ZMYND11: variants seen among roughly 807,000 people sequenced by gnomAD.
ZMYND11 encodes the protein zinc finger MYND domain-containing protein 11.
In ZMYND11, 9 loss-of-function variants were observed where a neutral mutation model predicts 84.9. That is an observed-to-expected ratio of 0.11 (90% CI 0.06 to 0.18). ZMYND11 has a LOEUF of 0.18. Ranked by LOEUF, ZMYND11 falls within the 10% of genes least tolerant of loss-of-function variation. The probability of loss-of-function intolerance (pLI) is 1.00; values close to 1 mark genes in which losing one functional copy is unlikely to be tolerated. For missense variants in ZMYND11, 409 were observed against 761.0 expected (o/e 0.54, Z 5.44); for synonymous variants, 250 against 244.1 (o/e 1.02, Z -0.23).
rs376943614 is a variant in ZMYND11 at position 239,458 on chromosome 10, C to T, written c.630C>T (p.Tyr210=). The T allele has an allele frequency of 1.2e-6, 2 of 1,613,328 alleles. No homozygotes were observed. Among genetic ancestry groups the T allele is most frequent in the Middle Eastern group, 1.6e-4 (1 of 6,084 alleles). The part of the protein sequence containing the change: ...TIQEKVNEGK[Y]RSYEEFKADA... Reference sequence around the variant, plus strand: ...TGCAGAAAGTGAATGAAGGGAAATACCGAAGTTATGAAGAGTTCAAAGCTG... The same window carrying T: ...TGCAGAAAGTGAATGAAGGGAAATATCGAAGTTATGAAGAGTTCAAAGCTG... The change falls in exon 7 of 15, where the codon TAC becomes TAT. Residue 210 remains tyrosine, a synonymous_variant. Coordinates refer to ENST00000381604, the MANE Select transcript of ZMYND11 (RefSeq NM_001370100.5).
chr10:250,183 A>G (rs1029336032), intron 14 of ZMYND11, among the ~76,000 whole-genome samples: 1 of 152,192 alleles, frequency 6.6e-6, no homozygotes, highest in Non-Finnish European at 1.5e-5. Context: ...CTAGTCTGAG[A>G]GCTGCAGCCA....
chr10:215,300 A>G (rs1945986122), intron 3 of ZMYND11, among the ~76,000 whole-genome samples: 1 of 151,326 alleles, frequency 6.6e-6, no homozygotes. Context: ...CAAAAATAAT[A>G]TATGAGTTTA....
At chr10:179,013 G>A (rs911984782) in intron 1 of ZMYND11, among the ~76,000 whole-genome samples, 6 of 152,178 alleles carry the variant, frequency 3.9e-5, no homozygotes, top group African/African-American at 1.4e-4. Context: ...GGAAAGGGCA[G>A]GTCAAGGAGA....
At position 247,404 on chromosome 10, in the gene ZMYND11, G is replaced by T; in HGVS notation, c.1165G>T (p.Val389Phe). The T allele has an allele frequency of 6.2e-7, 1 of 1,614,062 alleles. No homozygotes were observed. The highest frequency in any genetic ancestry group is 2.2e-5 in the East Asian group (1 of 44,860). ...ACTTTTATAATGCCCACAGCTAAAGGTCACTCAAGAACCAAGAGCAAAGAA... is the reference window on the plus strand; with the variant it reads ...ACTTTTATAATGCCCACAGCTAAAGTTCACTCAAGAACCAAGAGCAAAGAA... ...ISSTSNEQLK[V>F]TQEPRAKKGR... The change falls in exon 12 of 15, where the codon GTC (valine) becomes TTC (phenylalanine). Residue 389 changes from valine (V) to phenylalanine (F), a missense_variant. Val to Phe is a conservative substitution (Grantham distance 50). This residue lies in a region of ZMYND11 where 19 missense variants were observed against 60.5 expected (regional missense o/e 0.31). Coordinates refer to ENST00000381604, the MANE Select transcript of ZMYND11 (RefSeq NM_001370100.5).
At chr10:183,778 A>C (rs1195033710) in intron 2 of ZMYND11, among the ~76,000 whole-genome samples, 1 of 152,122 alleles carries the variant, frequency 6.6e-6, no homozygotes, top group African/African-American at 2.4e-5. Flanking sequence ...CCCCTTATTG[A>C]TGCTATCTTT....
At chr10:235,134 TATA>T (rs1193223898) in intron 4 of ZMYND11, among the ~76,000 whole-genome samples, 1 of 152,224 alleles carries the variant, frequency 6.6e-6, no homozygotes, top group Non-Finnish European at 1.5e-5. Flanking sequence ...ATTAAGTATA[TATA>T]ATTTCATTTT....
At chr10:236,775 C>T in intron 4 of ZMYND11, 63 bp from the exon 5 acceptor site, 8 of 1,382,654 alleles carry the variant, frequency 5.8e-6, no homozygotes, top group Non-Finnish European at 8.1e-6. Context: ...ATGTCTTTTA[C>T]ATGAATATAG....
upstream of ZMYND11, among the ~76,000 whole-genome samples, chr10:133,237 C>T (rs571091335): frequency 5.3e-5 from 8 of 152,278 alleles, no homozygotes; most frequent in East Asian, 1.9e-4. Context: ...AGCAATGTTA[C>T]GTTGTTTGAA....
At chr10:159,572 C>A (rs1020891853) in intron 1 of ZMYND11, among the ~76,000 whole-genome samples, 4 of 152,042 alleles carry the variant, frequency 2.6e-5, no homozygotes, top group African/African-American at 9.7e-5. Context: ...ATCGTTTGCT[C>A]ATTTTTTTAA....
intron 9 of ZMYND11, among the ~76,000 whole-genome samples, chr10:241,615 C>G (rs1051719956): frequency 7.9e-5 from 12 of 152,270 alleles, no homozygotes; most frequent in Non-Finnish European, 1.8e-4. Flanking sequence ...AAAGGGAATT[C>G]TGAGCATTCT....
upstream of ZMYND11, chr10:134,784 C>T (rs1343506557): frequency 6.6e-6 from 1 of 152,520 alleles, no homozygotes; most frequent in Non-Finnish European, 1.5e-5. Flanking sequence ...AGCGCGCCTG[C>T]ACGTACGTAG....
chr10:156,683 A>G (rs1191261453), intron 1 of ZMYND11, among the ~76,000 whole-genome samples: 2 of 152,250 alleles, frequency 1.3e-5, no homozygotes, highest in African/African-American at 4.8e-5. Context: ...TGTGAGAACC[A>G]TAAATTTGGA....
At chr10:158,555 T>C (rs1554760241) in intron 1 of ZMYND11, among the ~76,000 whole-genome samples, 1 of 151,850 alleles carries the variant, frequency 6.6e-6, no homozygotes, top group African/African-American at 2.4e-5. Context: ...TAGCTGGGAC[T>C]ATAGGTGTTT....
At chr10:197,205 A>G (rs1191462593) in intron 2 of ZMYND11, among the ~76,000 whole-genome samples, 3 of 149,042 alleles carry the variant, frequency 2.0e-5, no homozygotes, top group Non-Finnish European at 3.0e-5. Flanking sequence ...GTGTGTGCCC[A>G]CGTGCGCATT....
Position 145,246 on chromosome 10 carries a change from G to GTA in ZMYND11, c.-20+9699_-20+9700dup, listed in dbSNP as rs539971815. 1.3e-3 allele frequency among the ~76,000 whole-genome samples: 201 copies of GTA among 149,194 alleles called. 1 individual carries two copies. The highest frequency in any genetic ancestry group is 4.0e-3 in the South Asian group (19 of 4,732). ...TGTGTGTATATATATGTGTGTGTAT[G>GTA]TATATATATATATGTATATATATAT... On this transcript the variant is annotated intron_variant, in intron 1 of 14. Transcript: ENST00000381604.
chr10:158,903 C>T (rs1219091525), intron 1 of ZMYND11, among the ~76,000 whole-genome samples: 1 of 148,686 alleles, frequency 6.7e-6, no homozygotes, highest in African/African-American at 2.5e-5. Context: ...GTTTTAATTG[C>T]GTTATCTGTA....
chr10:242,969 C>A (rs1951337758), intron 10 of ZMYND11, among the ~76,000 whole-genome samples: 1 of 149,404 alleles, frequency 6.7e-6, no homozygotes, highest in African/African-American at 2.5e-5. Flanking sequence ...TAAAATAACT[C>A]AATACAAAAT....
intron 2 of ZMYND11, among the ~76,000 whole-genome samples, chr10:207,860 T>C (rs2131228987): frequency 6.6e-6 from 1 of 152,186 alleles, no homozygotes; most frequent in Non-Finnish European, 1.5e-5. Context: ...GCCAAAAGAA[T>C]AAAGCCAGAG....
intron 1 of ZMYND11, among the ~76,000 whole-genome samples, chr10:141,427 A>G (rs1837475266): frequency 2.6e-5 from 4 of 152,244 alleles, no homozygotes; most frequent in South Asian, 4.1e-4. Flanking sequence ...GCTTGAGCCC[A>G]GGAGTTTGAG....
Sources: allele counts gnomAD v4.1 joint callset (sites outside exome capture counted in the v4.1 genomes callset), GRCh38; gene constraint gnomAD v4.1.1; regional missense constraint gnomAD v4.1.1; transcripts MANE v1.5; gene names NCBI Gene and HGNC (gene_info 2026-07-23, HGNC 2026-07-21).